The following PRH1 variants were observed in gnomAD, a reference collection of about 807,000 sequenced individuals.
PRH1 encodes the protein salivary acidic proline-rich phosphoprotein 1/2.
In PRH1, 7 loss-of-function variants were observed where a neutral mutation model predicts 7.9. The ratio of observed to expected loss-of-function variants is 0.89; its 90% CI spans 0.50 to 1.67. The LOEUF (loss-of-function observed/expected upper bound fraction) is 1.67. PRH1 is among the 40% of genes most tolerant of loss of function. PRH1 has a pLI of 0.00. For synonymous variants in PRH1, 45 were observed against 80.8 expected (o/e 0.56, Z 2.38); for missense variants, 109 against 223.6 (o/e 0.49, Z 3.27).
At chr12:11,068,028 CT>C (rs34664451) in intron 1 of PRH1, among the ~76,000 whole-genome samples, 81 of 149,608 alleles carry the variant, frequency 5.4e-4, no homozygotes, top group Non-Finnish European at 6.8e-4. Flanking sequence ...GCTTTTTTAA[CT>C]TTTTTTTTTT....
At chr12:11,052,024 A>T (rs796095796), upstream of PRH1, among the ~76,000 whole-genome samples, 2 of 143,140 alleles carry the variant, frequency 1.4e-5, no homozygotes, top group Non-Finnish European at 3.1e-5. Flanking sequence ...TGATTATGAC[A>T]TTCAAATTCT....
chr12:10,994,770 T>C (rs532180523), intron 1 of PRH1, among the ~76,000 whole-genome samples: 48 of 151,578 alleles, frequency 3.2e-4, no homozygotes, highest in Non-Finnish European at 6.0e-4. Flanking sequence ...ATAAAGATTA[T>C]ATTTTAGTAA....
chr12:11,076,423 GA>G (rs1448276232), intron 1 of PRH1, among the ~76,000 whole-genome samples: 56,743 of 116,308 alleles, frequency 0.49, 9,150 homozygotes, highest in Non-Finnish European at 0.58. Context: ...CTCTCTTTGG[GA>G]CTTTTTTTAA....
At chr12:11,103,302 A>G (rs867950846) in intron 1 of PRH1, among the ~76,000 whole-genome samples, 3 of 152,176 alleles carry the variant, frequency 2.0e-5, no homozygotes, top group Admixed American at 6.6e-5. Flanking sequence ...ATGCCCATCA[A>G]TGATAGACTG....
At chr12:11,107,755 A>G (rs1945465277) in intron 1 of PRH1, among the ~76,000 whole-genome samples, 1 of 152,256 alleles carries the variant, frequency 6.6e-6, no homozygotes, top group South Asian at 2.1e-4. Flanking sequence ...TTCATGGTCA[A>G]TTGATTTCAA....
Position 11,025,286 on chromosome 12 carries a change from T to C in PRH1, c.-126+21734A>G, listed in dbSNP as rs557214973. On this transcript the variant is annotated intron_variant, in intron 1 of 3. Coordinates refer to the PRH1 transcript ENST00000539853. ...TGCGTGTTCAACTTTGTATTTTCAG[T>C]AATTTTATTTTATCTGAAAAATATC... Among the ~76,000 whole-genome samples the C allele has an allele frequency of 5.7e-5, 6 of 106,008 alleles. No homozygotes were observed. In the East Asian group the frequency reaches 2.0e-3, roughly 36 times the overall value. The allele number at this position is 106,008 out of a possible 152,430, so 69.5% of individuals were successfully genotyped here.
rs559124305 is a variant in PRH1, at chr12:11,043,192, G to A, written c.-126+3828C>T. 1.9e-4 allele frequency among the ~76,000 whole-genome samples: 29 copies of A among 152,164 alleles called. No homozygotes were observed. In the South Asian group the frequency reaches 6.0e-3, roughly 32 times the overall value. On this transcript the variant is annotated intron_variant, in intron 1 of 3. Transcript: ENST00000539853. ...ATCATATCAACAGAATGTAGGACAAGAACCATATGATCATTTAAATTAATG... is the reference window on the plus strand; with the variant it reads ...ATCATATCAACAGAATGTAGGACAAAAACCATATGATCATTTAAATTAATG...
At chr12:11,058,114 C>CA (rs1943440500) in intron 1 of PRH1, among the ~76,000 whole-genome samples, 2 of 152,086 alleles carry the variant, frequency 1.3e-5, no homozygotes, top group South Asian at 4.2e-4. Flanking sequence ...TGTGTCCCTG[C>CA]AGTCCCAGCT....
intron 1 of PRH1, among the ~76,000 whole-genome samples, chr12:11,026,354 T>C (rs1941914261): frequency 6.6e-6 from 1 of 151,796 alleles, no homozygotes; most frequent in African/African-American, 2.4e-5. Flanking sequence ...GAAGGTCAGA[T>C]ACTACCTAGA....
chr12:11,154,669 G>T (rs533532000), intron 1 of PRH1, among the ~76,000 whole-genome samples: 3 of 152,298 alleles, frequency 2.0e-5, no homozygotes, highest in African/African-American at 7.2e-5. Context: ...TGAAAAGTCT[G>T]TCTAGGCATA....
At chr12:10,937,691 C>A (rs919414083) in intron 2 of PRH1, 1 of 152,138 alleles carries the variant, frequency 6.6e-6, no homozygotes, top group Non-Finnish European at 1.5e-5. Context: ...TCACTATATG[C>A]AGATGATATA....
chr12:10,916,854 C>G (rs1347264732), intron 2 of PRH1, among the ~76,000 whole-genome samples: 1 of 151,152 alleles, frequency 6.6e-6, no homozygotes, highest in African/African-American at 2.4e-5. Flanking sequence ...TTGAGACCAG[C>G]CTGAACAACA....
At chr12:10,932,314 C>A in intron 2 of PRH1, 1 of 359,658 alleles carries the variant, frequency 2.8e-6, no homozygotes, top group Non-Finnish European at 6.2e-6. Context: ...AAATAATCAG[C>A]TTGCAATTTC....
chr12:11,094,299 CAAAAAAAAAAA>C lies in PRH1; in HGVS notation n.124-47122_124-47112del, dbSNP rs34742610. 7.5e-3 allele frequency among the ~76,000 whole-genome samples: 204 copies of C among 27,022 alleles called. 47 individuals are homozygous for C. Among genetic ancestry groups the C allele is most frequent in the African/African-American group, 0.029 (200 of 6,810 alleles). 17.7% of individuals were successfully genotyped at this position (27,022 alleles called of 152,430 possible). ...CCTGAGTGACAGACCAAGACTCTGT[CAAAAAAAAAAA>C]AAAAAAAAAAAAAAACCCGACGTCA... On this transcript the variant is annotated intron_variant and non_coding_transcript_variant, in intron 1 of 4. Coordinates refer to the PRH1 transcript ENST00000541977.
rs192151511 is a variant in PRH1 at position 11,087,065 on chromosome 12, T to C, written n.124-39877A>G. ...GTTCATTATCGATTCGATACTGTTT[T>C]ACTTGATATTTAAGATACCAGTGAG... On this transcript the variant is annotated intron_variant and non_coding_transcript_variant, in intron 1 of 4. Coordinates refer to the PRH1 transcript ENST00000541977. Among the ~76,000 whole-genome samples, 2 of 115,960 alleles carry C rather than the reference T, an allele frequency of 1.7e-5. 1 individual carries two copies. The highest frequency in any genetic ancestry group is 1.7e-4 in the Admixed American group (2 of 11,600). 76.1% of individuals were successfully genotyped at this position (115,960 alleles called of 152,430 possible). A position where few individuals can be genotyped will look rare whatever the true frequency, so the allele number is the denominator to read the frequency against.
At chr12:10,904,711 C>T (rs1177567227) in intron 2 of PRH1, among the ~76,000 whole-genome samples, 1 of 152,068 alleles carries the variant, frequency 6.6e-6, no homozygotes, top group Non-Finnish European at 1.5e-5. Flanking sequence ...TTTCTGCACA[C>T]ATTGTATAAA....
chr12:10,975,300 C>T (rs578047256), intron 1 of PRH1, among the ~76,000 whole-genome samples: 8 of 152,110 alleles, frequency 5.3e-5, no homozygotes, highest in Non-Finnish European at 1.2e-4. Context: ...AATTTTTAAT[C>T]AAGAATTTCG....
chr12:11,170,121 C>T (rs1395730618), intron 1 of PRH1, among the ~76,000 whole-genome samples: 1 of 151,988 alleles, frequency 6.6e-6, no homozygotes, highest in African/African-American at 2.4e-5. Context: ...ACGGTGTGTG[C>T]GATTAAAAAA....
At chr12:11,073,004 T>C (rs1158844480) in intron 1 of PRH1, among the ~76,000 whole-genome samples, 34 of 151,388 alleles carry the variant, frequency 2.2e-4, no homozygotes, top group Non-Finnish European at 7.4e-5. Flanking sequence ...GTAAAATACT[T>C]GAACGTTAAA....
Sources: gnomAD v4.1 joint callset for allele counts (sites outside exome capture counted in the v4.1 genomes callset) on GRCh38, gnomAD v4.1.1 for gene constraint, MANE v1.5 for transcripts, NCBI Gene and HGNC (gene_info 2026-07-23, HGNC 2026-07-21) for gene names.